PRKDC: variants seen among roughly 807,000 people sequenced by gnomAD.
PRKDC encodes the protein protein kinase, DNA-activated, catalytic subunit.
Under a neutral mutation model 486.9 loss-of-function variants are expected in PRKDC, and 82 were observed. The observed-to-expected ratio is 0.17, with a 90% CI of 0.14 to 0.20. The LOEUF is 0.20. PRKDC is among the 10% of genes least tolerant of loss of function. The probability of loss-of-function intolerance (pLI) is 1.00; values close to 1 mark genes in which losing one functional copy is unlikely to be tolerated. For missense variants in PRKDC, 4,504 were observed against 5,038.2 expected (o/e 0.89, Z 3.21); for synonymous variants, 1,895 against 1,837.0 (o/e 1.03, Z -0.81).
At chr8:47,830,046 A>T (rs926445015) in intron 61 of PRKDC, among the ~76,000 whole-genome samples, 2 of 152,242 alleles carry the variant, frequency 1.3e-5, no homozygotes, top group African/African-American at 4.8e-5. Flanking sequence ...GGCTGCAGTA[A>T]CCAAAAAGCA....
intron 42 of PRKDC, 64 bp downstream of exon 42, chr8:47,863,335 T>C (rs1391294777): frequency 1.5e-6 from 2 of 1,359,672 alleles, no homozygotes; most frequent in African/African-American, 3.0e-5. Flanking sequence ...TATACATACA[T>C]AAAAATATAT....
intron 32 of PRKDC, 123 bp downstream of exon 32, chr8:47,890,134 T>A: frequency 2.8e-6 from 1 of 361,848 alleles, no homozygotes; most frequent in Non-Finnish European, 4.5e-6. Flanking sequence ...TGAAATATAA[T>A]AATAATAATA....
chr8:47,862,309 A>C (rs2088696343), intron 43 of PRKDC, 64 bp downstream of exon 43: 7 of 1,501,336 alleles, frequency 4.7e-6, no homozygotes, highest in Non-Finnish European at 5.5e-6. Context: ...TGTAAGTTTG[A>C]CTGATATAAT....
In PRKDC at chr8:47,943,285, A is replaced by G; in HGVS notation, c.890T>C (p.Leu297Ser). The change falls in exon 10 of 86, where the codon TTG becomes TCG. Residue 297 changes from leucine (L) to serine (S), a missense_variant. This residue lies in a region of PRKDC where 1,969 missense variants were observed against 2,068.9 expected (regional missense o/e 0.95). Coordinates refer to ENST00000314191, the MANE Select transcript of PRKDC (RefSeq NM_006904.7). The part of the protein sequence containing the change: ...LDNYVSLFEV[L>S]LKWCAHTNVE... ...ATTTGTGTGGGCACACCACTTTAAC[A>G]AGACTTCAAATAGAGACACGTAGTT... The G allele has an allele frequency of 6.2e-7, 1 of 1,612,806 alleles. No homozygotes were observed. Among genetic ancestry groups the G allele is most frequent in the Non-Finnish European group, 8.5e-7 (1 of 1,179,352 alleles).
chr8:47,887,907 G>A (rs1470984457), intron 34 of PRKDC, among the ~76,000 whole-genome samples: 1 of 152,224 alleles, frequency 6.6e-6, no homozygotes, highest in Non-Finnish European at 1.5e-5. Context: ...CCAGGCTGGA[G>A]TGCAGTGACA....
intron 57 of PRKDC, among the ~76,000 whole-genome samples, chr8:47,836,985 G>A (rs2088039191): frequency 6.6e-6 from 1 of 152,238 alleles, no homozygotes; most frequent in Non-Finnish European, 1.5e-5. Context: ...GGAGGAATGA[G>A]GGGAGGGAAA....
chr8:47,911,113 C>T (rs1351190357), intron 25 of PRKDC, among the ~76,000 whole-genome samples: 1 of 152,128 alleles, frequency 6.6e-6, no homozygotes, highest in Non-Finnish European at 1.5e-5. Context: ...AATAGAATCT[C>T]CCAAATAGTT....
chr8:47,904,696 G>C (rs1439242670), intron 26 of PRKDC, among the ~76,000 whole-genome samples, 173 bp downstream of exon 26: 6 of 152,218 alleles, frequency 3.9e-5, no homozygotes, highest in Non-Finnish European at 2.9e-5. Flanking sequence ...AGGAGGCTGA[G>C]ACAGGAGAAT....
In PRKDC at chr8:47,957,436, T is replaced by A; in HGVS notation, c.155-5A>T. On this transcript the variant is annotated splice_region_variant and splice_polypyrimidine_tract_variant and intron_variant, in intron 1 of 85. Transcript: ENST00000314191. ...AAACTAAAGATGTCTGTAATGCTGT[T>A]CAAAAAAATAAGTAAACAAGTTAAG... 6.4e-7 allele frequency: 1 copy of A among 1,570,354 alleles called. No individual in the cohort carries two copies. The highest frequency in any genetic ancestry group is 8.6e-7 in the Non-Finnish European group (1 of 1,156,544).
Position 47,819,459 on chromosome 8 carries a change from G to A in PRKDC, c.9388C>T (p.Gln3130Ter). The A allele has an allele frequency of 1.3e-6, 2 of 1,553,392 alleles. No individual in the cohort carries two copies. The highest frequency in any genetic ancestry group is 1.3e-5 in the South Asian group (1 of 79,076). Residue 3130 changes from glutamine to a stop codon, truncating the protein, a stop_gained, in exon 67 of 86, where the codon CAG becomes TAG. Coordinates refer to ENST00000314191, the MANE Select transcript of PRKDC (RefSeq NM_006904.7). LOFTEE classifies it high-confidence loss of function. The part of the protein sequence containing the change: ...LLHQSRLTKL[Q>*]SVQALTEIQE... ...ATTTCTGTTAAAGCCTGTACAGACT[G>A]CAATTTGGTGAGTCTACTTTGGTGT...
chr8:47,781,348 G>C lies in PRKDC; in HGVS notation c.11489+814C>G, dbSNP rs148703049. On this transcript the variant is annotated intron_variant, in intron 80 of 85. Transcript: ENST00000314191. ...TGCCCTGTAGAGTAATTATCACCTG[G>C]GAATATGAGTTTGATAAGAATATGT... Among the ~76,000 whole-genome samples, 463 of 152,270 alleles carry C rather than the reference G, an allele frequency of 3.0e-3. 3 individuals carry two copies. The highest frequency in any genetic ancestry group is 0.011 in the African/African-American group (440 of 41,550).
rs549148327 is a variant in PRKDC at position 47,864,817 on chromosome 8, A to G, written c.5364-54T>C. 3 of 1,415,520 alleles carry G rather than the reference A, an allele frequency of 2.1e-6. No individual in the cohort carries two copies. In the South Asian group the frequency reaches 4.4e-5, roughly 21 times the overall value. 87.7% of individuals were successfully genotyped at this position (1,415,520 alleles called of 1,614,324 possible). ...CATCCCTGCTTTGAAGAGGAACTTT[A>G]TGAGTGCCTACTACATAACAGGCAA... On this transcript the variant is annotated intron_variant, in intron 40 of 85. Transcript: ENST00000314191.
At chr8:47,864,102 T>C (rs2088744014) in intron 41 of PRKDC, among the ~76,000 whole-genome samples, 1 of 151,856 alleles carries the variant, frequency 6.6e-6, no homozygotes, top group African/African-American at 2.4e-5. Flanking sequence ...TATTTTGGAT[T>C]GTACAGGTGG....
At chr8:47,858,458 T>C (rs969597659) in intron 48 of PRKDC, 58 bp downstream of exon 48, 32 of 1,347,626 alleles carry the variant, frequency 2.4e-5, no homozygotes, top group Middle Eastern at 2.4e-4. Flanking sequence ...ATTCATAGAA[T>C]TGAATAAACA....
At chr8:47,781,415 C>T (rs2086697433) in intron 80 of PRKDC, among the ~76,000 whole-genome samples, 1 of 152,156 alleles carries the variant, frequency 6.6e-6, no homozygotes, top group Non-Finnish European at 1.5e-5. Context: ...GGGAACACTG[C>T]TCCTATTTAA....
chr8:47,828,332 C>A lies in PRKDC; in HGVS notation c.8413G>T (p.Ala2805Ser). 4 of 1,563,372 alleles carry A rather than the reference C, an allele frequency of 2.6e-6. No individual in the cohort carries two copies. Among genetic ancestry groups the A allele is most frequent in the Non-Finnish European group, 3.5e-6 (4 of 1,155,552 alleles). ...QAVAQRDPII[A>S]KQLFSSLFSG... ...AACAAGCTGCTAAAGAGCTGTTTTG[C>A]AATTATTGGGTCCCTCTGTAAAAAA... The change falls in exon 62 of 86, where the codon GCA becomes TCA. Residue 2805 changes from alanine to serine, a missense_variant. Coordinates refer to ENST00000314191, the MANE Select transcript of PRKDC (RefSeq NM_006904.7).
intron 50 of PRKDC, 144 bp downstream of exon 50, chr8:47,855,078 G>A: frequency 2.2e-6 from 2 of 890,332 alleles, no homozygotes; most frequent in Non-Finnish European, 1.6e-6. Flanking sequence ...CCACACTCTG[G>A]AGGCTGTGGT....
intron 74 of PRKDC, among the ~76,000 whole-genome samples, chr8:47,790,477 CACTACCCAAA>C (rs2086865387): frequency 6.6e-6 from 1 of 152,132 alleles, no homozygotes; most frequent in African/African-American, 2.4e-5. Flanking sequence ...AATCTGTCCA[CACTACCCAAA>C]GCAATCTACA....
chr8:47,902,965 T>C (rs1209072471), intron 26 of PRKDC, among the ~76,000 whole-genome samples, 170 bp from the exon 27 acceptor site: 1 of 152,214 alleles, frequency 6.6e-6, no homozygotes, highest in Non-Finnish European at 1.5e-5. Flanking sequence ...GTATCCAGAA[T>C]CTAGGCTTGA....
Sources: gnomAD v4.1 joint callset for allele counts (sites outside exome capture counted in the v4.1 genomes callset) on GRCh38, gnomAD v4.1.1 for gene constraint, gnomAD v4.1.1 regional missense constraint, MANE v1.5 for transcripts, NCBI Gene and HGNC (gene_info 2026-07-23, HGNC 2026-07-21) for gene names.